RP2: variants seen among roughly 807,000 people sequenced by gnomAD.
RP2 encodes the protein RP2 activator of ARL3 GTPase, also known as protein XRP2.
A neutral mutation model predicts 20.3 loss-of-function variants in RP2; 3 were observed. The ratio of observed to expected loss-of-function variants is 0.15; its 90% confidence interval spans 0.07 to 0.38. The LOEUF is 0.38. Among genes scored for constraint, RP2 ranks in the 10% least tolerant of loss-of-function variants. RP2 has a pLI of 1.00. For missense variants in RP2, 233 were observed against 268.5 expected, an observed-to-expected ratio of 0.87 and a Z score of 0.92; for synonymous variants, 75 against 94.8, an observed-to-expected ratio of 0.79 and a Z score of 1.22.
intron 2 of RP2, among the ~76,000 whole-genome samples, chrX:46,859,129 C>T (rs1925020544): frequency 9.0e-6 from 1 of 111,259 alleles, no homozygotes; most frequent in Non-Finnish European, 1.9e-5. Context: ...GTAAGTGCTC[C>T]ATAAGTGTGA....
intron 1 of RP2, among the ~76,000 whole-genome samples, chrX:46,850,502 A>T (rs950520171): frequency 3.6e-5 from 4 of 112,028 alleles, no homozygotes; most frequent in African/African-American, 6.5e-5. Context: ...TAAGCTTTAT[A>T]TAATACGGTT....
rs58549261 is a variant in RP2 at position 46,871,021 on chromosome X, C to CTTTT, written c.884-6461_884-6458dup. Among the ~76,000 whole-genome samples, 12 of 77,361 alleles carry CTTTT rather than the reference C, an allele frequency of 1.6e-4. 1 individual carries two copies. The highest frequency in any genetic ancestry group is 2.3e-4 in the African/African-American group (4 of 17,031). 67.2% of individuals were successfully genotyped at this position (77,361 alleles called of 115,157 possible). A position where few individuals can be genotyped will look rare whatever the true frequency, so the allele number is the denominator to read the frequency against. ...TATTGGAGCACAGCCACGCTCATTCCTTTTTTTTTTTTTTTTTTTTTTTTT... is the reference window on the plus strand; with the variant it reads ...TATTGGAGCACAGCCACGCTCATTCCTTTTTTTTTTTTTTTTTTTTTTTTTTTTT... On this transcript the variant is annotated intron_variant, in intron 3 of 4. Transcript: ENST00000218340.
intron 1 of RP2, among the ~76,000 whole-genome samples, chrX:46,837,565 C>A (rs1924538396): frequency 9.0e-6 from 1 of 111,537 alleles, no homozygotes; most frequent in South Asian, 3.8e-4. Flanking sequence ...CACCTCGTTT[C>A]ACCCACCGGC....
chrX:46,872,891 C>T (rs1420980511), intron 3 of RP2, among the ~76,000 whole-genome samples: 4 of 110,152 alleles, frequency 3.6e-5, no homozygotes, highest in Non-Finnish European at 7.6e-5. Flanking sequence ...ACATGGGCTA[C>T]TACGCCTGGC....
At chrX:46,842,462 ATAC>A (rs1157787075) in intron 1 of RP2, among the ~76,000 whole-genome samples, 2 of 112,166 alleles carry the variant, frequency 1.8e-5, no homozygotes, top group Non-Finnish European at 3.8e-5. Context: ...CCATAAATGC[ATAC>A]TACTATTATT....
In RP2 at chrX:46,877,462, T is replaced by C. The variant is rs782689298; in HGVS notation, c.884-43T>C. Reference sequence around the variant, plus strand: ...ATAAAAAGATTAAATTTAGAATATATTTGTATTTGTGTTAAGAAAATGTTT... The same window carrying C: ...ATAAAAAGATTAAATTTAGAATATACTTGTATTTGTGTTAAGAAAATGTTT... On this transcript the variant is annotated intron_variant, in intron 3 of 4. Transcript: ENST00000218340. The C allele has an allele frequency of 8.0e-6, 7 of 878,068 alleles. No homozygotes were observed. The Admixed American group carries it at 1.5e-4, about 19-fold the overall frequency. The allele number at this position is 878,068 out of a possible 1,213,427, so 72.4% of individuals were successfully genotyped here.
chrX:46,852,739 C>T (rs1424463432), intron 1 of RP2, among the ~76,000 whole-genome samples: 1 of 110,253 alleles, frequency 9.1e-6, no homozygotes, highest in East Asian at 2.8e-4. Flanking sequence ...TGCGCCACCA[C>T]GCCTGGGTAA....
At chrX:46,838,946 G>T (rs1924564415) in intron 1 of RP2, among the ~76,000 whole-genome samples, 1 of 111,639 alleles carries the variant, frequency 9.0e-6, no homozygotes, top group Admixed American at 9.6e-5. Flanking sequence ...TTGTAGAGTT[G>T]TAAGAGATGT....
rs782325044 is a variant in RP2 at position 46,849,337 on chromosome X, C to T, written c.103-4139C>T. ...TTCTGAGTAGCTAGGACTACAGGCG[C>T]ACACCACCATGCCCAGCTAAGGGTT... On this transcript the variant is annotated intron_variant, in intron 1 of 4. Coordinates refer to ENST00000218340, the MANE Select transcript of RP2 (RefSeq NM_006915.3). Among the ~76,000 whole-genome samples the T allele has an allele frequency of 1.9e-3, 210 of 110,326 alleles. 1 individual carries two copies. Among genetic ancestry groups the T allele is most frequent in the Non-Finnish European group, 3.3e-3 (177 of 52,854 alleles).
intron 1 of RP2, among the ~76,000 whole-genome samples, chrX:46,845,643 C>T (rs1924703425): frequency 8.9e-6 from 1 of 111,843 alleles, no homozygotes; most frequent in African/African-American, 3.2e-5. Flanking sequence ...TTTTCTATCC[C>T]TATAGTTTTG....
intron 4 of RP2, 90 bp downstream of exon 4, chrX:46,877,680 C>G: frequency 1.6e-6 from 1 of 640,751 alleles, no homozygotes; most frequent in Non-Finnish European, 2.5e-6. Flanking sequence ...ACTTTTGTCC[C>G]TAATGTTGCT....
At chrX:46,841,527 C>G (rs1924622685) in intron 1 of RP2, among the ~76,000 whole-genome samples, 1 of 112,181 alleles carries the variant, frequency 8.9e-6, no homozygotes, top group Non-Finnish European at 1.9e-5. Context: ...GCTGGGAGCT[C>G]AGCTGGGGCC....
At position 46,870,661 on chromosome X, in the gene RP2, A is replaced by G. The variant is rs782069558; in HGVS notation, c.884-6844A>G. On this transcript the variant is annotated intron_variant, in intron 3 of 4. Transcript: ENST00000218340. Reference sequence around the variant, plus strand: ...ACACTTTCTTATACTACAATAGCTGAAACAGGCAGAGTATCACCTTGTTCA... The same window carrying G: ...ACACTTTCTTATACTACAATAGCTGGAACAGGCAGAGTATCACCTTGTTCA... Among the ~76,000 whole-genome samples the G allele has an allele frequency of 3.6e-5, 4 of 112,312 alleles. No homozygotes were observed. In the South Asian group the frequency reaches 1.1e-3, roughly 31 times the overall value.
intron 1 of RP2, among the ~76,000 whole-genome samples, chrX:46,843,394 T>C (rs1039880933): frequency 1.8e-5 from 2 of 111,931 alleles, no homozygotes; most frequent in Admixed American, 1.9e-4. Flanking sequence ...GAGTGTTGTT[T>C]CTTCACCCAT....
intron 3 of RP2, among the ~76,000 whole-genome samples, chrX:46,873,669 G>C (rs1556327209): frequency 9.0e-6 from 1 of 111,374 alleles, no homozygotes; most frequent in Non-Finnish European, 1.9e-5. Context: ...ATTAGGATTT[G>C]GGAAGGTGGA....
At chrX:46,849,941 A>G (rs1924830465) in intron 1 of RP2, among the ~76,000 whole-genome samples, 1 of 111,999 alleles carries the variant, frequency 8.9e-6, no homozygotes, top group African/African-American at 3.2e-5. Context: ...TCCTTATAAG[A>G]AGATTCAGTT....
In RP2 at chrX:46,853,618, C is replaced by A; in HGVS notation, c.245C>A (p.Thr82Asn). 2 of 1,211,248 alleles carry A rather than the reference C, an allele frequency of 1.7e-6. No individual in the cohort carries two copies. The highest frequency in any genetic ancestry group is 2.2e-6 in the Non-Finnish European group (2 of 895,137). ...IYIFDHSATV[T>N]IDDCTNCIIF... ...ATTTTTGATCACTCTGCTACAGTTA[C>A]CATTGATGACTGTACTAACTGCATA... Residue 82 changes from threonine (T) to asparagine (N), a missense_variant, in exon 2 of 5, where the codon ACC becomes AAC. Thr to Asn is a moderately conservative substitution (Grantham distance 65, BLOSUM62 0). Transcript: ENST00000218340.
intron 4 of RP2, among the ~76,000 whole-genome samples, chrX:46,878,839 C>T (rs1556328175): frequency 9.0e-6 from 1 of 110,784 alleles, no homozygotes; most frequent in African/African-American, 3.3e-5. Flanking sequence ...ATAGAACCCA[C>T]ATCTGCTCTA....
At chrX:46,839,137 C>T (rs1556314233) in intron 1 of RP2, among the ~76,000 whole-genome samples, 1 of 112,421 alleles carries the variant, frequency 8.9e-6, no homozygotes, top group African/African-American at 3.2e-5. Context: ...TGAGACAATG[C>T]AGATACCACA....
Sources: allele counts gnomAD v4.1 joint callset (sites outside exome capture counted in the v4.1 genomes callset), GRCh38; gene constraint gnomAD v4.1.1; transcripts MANE v1.5; gene names NCBI Gene and HGNC (gene_info 2026-07-23, HGNC 2026-07-21).